The following COX10 variants were observed in gnomAD, a reference collection of about 807,000 sequenced individuals.
COX10 encodes cytochrome c oxidase assembly factor heme A:farnesyltransferase COX10, also known as protoheme IX farnesyltransferase, mitochondrial.
A neutral mutation model predicts 37.3 loss-of-function variants in COX10; 27 were observed. The observed-to-expected ratio is 0.72, with a 90% confidence interval of 0.53 to 1.00. The LOEUF is 1.00. Among genes scored for constraint, COX10 ranks in the 50% least tolerant of loss-of-function variants. The probability of loss-of-function intolerance (pLI) is 0.00; values close to 1 mark genes in which losing one functional copy is unlikely to be tolerated. For synonymous variants in COX10, 222 were observed against 229.1 expected (o/e 0.97, Z 0.28); for missense variants, 475 against 563.2 (o/e 0.84, Z 1.59).
intron 6 of COX10, among the ~76,000 whole-genome samples, chr17:14,200,398 A>G (rs893499628): frequency 3.9e-5 from 6 of 152,184 alleles, no homozygotes; most frequent in African/African-American, 1.2e-4. Context: ...AATACATAGC[A>G]TTTTCAACGA....
intron 1 of COX10, among the ~76,000 whole-genome samples, chr17:14,070,335 C>T (rs576890045): frequency 6.6e-5 from 10 of 152,210 alleles, no homozygotes; most frequent in African/African-American, 2.4e-4. Context: ...CCATTTATTT[C>T]TTTCATTATG....
At chr17:14,150,310 T>A (rs902821799) in intron 4 of COX10, among the ~76,000 whole-genome samples, 3 of 152,146 alleles carry the variant, frequency 2.0e-5, no homozygotes, top group Admixed American at 2.0e-4. Flanking sequence ...TGAAAAGAGT[T>A]CTAAAAGATT....
chr17:14,126,619 A>G lies in COX10; in HGVS notation c.624+24377A>G, dbSNP rs536782081. On this transcript the variant is annotated intron_variant, in intron 4 of 6. Transcript: ENST00000261643. ...TGTGTTTTATGGTGACAGTGGTCAC[A>G]GTTTTGTTCCTCTTATTATTTTGAT... 2.6e-5 allele frequency among the ~76,000 whole-genome samples: 4 copies of G among 152,256 alleles called. No individual in the cohort carries two copies. The East Asian group carries it at 7.7e-4, about 29-fold the overall frequency.
intron 4 of COX10, among the ~76,000 whole-genome samples, chr17:14,124,366 A>G (rs1916290259): frequency 6.6e-6 from 1 of 152,310 alleles, no homozygotes; most frequent in East Asian, 1.9e-4. Flanking sequence ...GCCATATCCT[A>G]AGCATATTAC....
intron 4 of COX10, among the ~76,000 whole-genome samples, chr17:14,156,157 T>C (rs543080181): frequency 2.0e-5 from 3 of 152,306 alleles, no homozygotes; most frequent in East Asian, 3.9e-4. Context: ...ACAAGTGATA[T>C]ATTATTATTT....
In COX10 at chr17:14,159,871, T is replaced by A; in HGVS notation, c.625-6T>A. 6.2e-7 allele frequency: 1 copy of A among 1,606,858 alleles called. No homozygotes were observed. Among genetic ancestry groups the A allele is most frequent in the South Asian group, 1.1e-5 (1 of 90,262 alleles). ...TGTTTTCTGTCTTTTTTCATTCTTT[T>A]TACAGTTTTTTGAGGTGCCATTTGA... On this transcript the variant is annotated splice_region_variant and splice_polypyrimidine_tract_variant and intron_variant, in intron 4 of 6. Transcript: ENST00000261643.
At chr17:14,193,964 C>T (rs1906288366) in intron 6 of COX10, among the ~76,000 whole-genome samples, 1 of 152,212 alleles carries the variant, frequency 6.6e-6, no homozygotes, top group African/African-American at 2.4e-5. Flanking sequence ...GGTCCCTGCA[C>T]TGAGCCACCT....
chr17:14,120,665 G>C (rs1916210730), intron 4 of COX10, among the ~76,000 whole-genome samples: 1 of 152,144 alleles, frequency 6.6e-6, no homozygotes, highest in African/African-American at 2.4e-5. Flanking sequence ...ATGCAAATGG[G>C]ATAAAAATGA....
In COX10 at chr17:14,143,251, C is replaced by T. The variant is rs564777197; in HGVS notation, c.625-16626C>T. Among the ~76,000 whole-genome samples the T allele has an allele frequency of 1.1e-3, 168 of 152,210 alleles. 1 individual carries two copies. The highest frequency in any genetic ancestry group is 3.7e-3 in the African/African-American group (155 of 41,546). ...CCTTTAATGCAAATACCATTATTTACTATTTATTATTATTTTAATAGGATA... is the reference window on the plus strand; with the variant it reads ...CCTTTAATGCAAATACCATTATTTATTATTTATTATTATTTTAATAGGATA... On this transcript the variant is annotated intron_variant, in intron 4 of 6. Transcript: ENST00000261643.
At chr17:14,167,318 C>T (rs1008814382) in intron 5 of COX10, among the ~76,000 whole-genome samples, 2 of 152,096 alleles carry the variant, frequency 1.3e-5, no homozygotes, top group Non-Finnish European at 2.9e-5. Flanking sequence ...GTATTTCTGA[C>T]GAAGATGCTG....
Position 14,207,350 on chromosome 17 carries a change from A to AT in COX10, c.*137_*138insT. On this transcript the variant is annotated 3_prime_UTR_variant, in exon 7 of 7. Transcript: ENST00000261643. ...ATTCGGTGCTCAGTGATCACTTGAC[A>AT]GTTTTTTTTTTTTTTAAATATTACC... 1 of 1,139,578 alleles carries AT rather than the reference A, an allele frequency of 8.8e-7. No homozygotes were observed. The allele number at this position is 1,139,578 out of a possible 1,614,324, so 70.6% of individuals were successfully genotyped here.
At position 14,154,350 on chromosome 17, in the gene COX10, T is replaced by C. The variant is rs975453700; in HGVS notation, c.625-5527T>C. 2.6e-5 allele frequency among the ~76,000 whole-genome samples: 4 copies of C among 152,380 alleles called. No homozygotes were observed. The East Asian group carries it at 7.7e-4, about 29-fold the overall frequency. The stretch of plus-strand genomic sequence containing the variant: ...TCTAACAATGGATAATCTGTGTTTT[T>C]ATATACCGACTAGAGTGACATTGCT... On this transcript the variant is annotated intron_variant, in intron 4 of 6. Coordinates refer to ENST00000261643, the MANE Select transcript of COX10 (RefSeq NM_001303.4).
chr17:14,204,354 T>C (rs1181271200), intron 6 of COX10, among the ~76,000 whole-genome samples: 1 of 151,924 alleles, frequency 6.6e-6, no homozygotes, highest in Non-Finnish European at 1.5e-5. Context: ...AAGGTCACAC[T>C]AATGACCTCC....
intron 4 of COX10, among the ~76,000 whole-genome samples, chr17:14,127,302 A>G (rs1012331826): frequency 6.6e-6 from 1 of 152,212 alleles, no homozygotes; most frequent in Non-Finnish European, 1.5e-5. Context: ...GTGTGCTACC[A>G]GTAAATAAAG....
chr17:14,137,475 T>C (rs901700580), intron 4 of COX10, among the ~76,000 whole-genome samples: 4 of 151,960 alleles, frequency 2.6e-5, no homozygotes, highest in African/African-American at 7.2e-5. Context: ...AAAATATTTA[T>C]ACTTTTTAAC....
chr17:14,101,991 C>G lies in COX10; in HGVS notation c.500-127C>G, dbSNP rs1915792009. 4 of 1,154,686 alleles carry G rather than the reference C, an allele frequency of 3.5e-6. No individual in the cohort carries two copies. In the South Asian group the frequency reaches 3.7e-5, roughly 11 times the overall value. The allele number at this position is 1,154,686 out of a possible 1,614,324, so 71.5% of individuals were successfully genotyped here. Reference sequence around the variant, plus strand: ...GGATCTTTTTTAAGCCAAAGATCAGCCTGTACTTTGTGTTATTAATATAAT... The same window carrying G: ...GGATCTTTTTTAAGCCAAAGATCAGGCTGTACTTTGTGTTATTAATATAAT... On this transcript the variant is annotated intron_variant, in intron 3 of 6. Coordinates refer to ENST00000261643, the MANE Select transcript of COX10 (RefSeq NM_001303.4).
intron 3 of COX10, among the ~76,000 whole-genome samples, chr17:14,097,924 T>C (rs539807666): frequency 6.6e-6 from 1 of 152,154 alleles, no homozygotes; most frequent in East Asian, 1.9e-4. Context: ...ATGTAAATGC[T>C]ATGTAAATAA....
chr17:14,160,599 G>A (rs911542829), intron 5 of COX10, among the ~76,000 whole-genome samples: 2 of 152,082 alleles, frequency 1.3e-5, no homozygotes, highest in Non-Finnish European at 2.9e-5. Flanking sequence ...ACGTTTCCAG[G>A]CAATGCCCTC....
At chr17:14,124,272 TAGAG>T (rs1205279876) in intron 4 of COX10, among the ~76,000 whole-genome samples, 2 of 152,178 alleles carry the variant, frequency 1.3e-5, no homozygotes, top group African/African-American at 4.8e-5. Context: ...GTAAGCCAAA[TAGAG>T]AGATTTTTAC....
Sources: gnomAD v4.1 joint callset for allele counts (sites outside exome capture counted in the v4.1 genomes callset) on GRCh38, gnomAD v4.1.1 for gene constraint, MANE v1.5 for transcripts, NCBI Gene and HGNC (gene_info 2026-07-23, HGNC 2026-07-21) for gene names.